PDPN: variants seen among roughly 807,000 people sequenced by gnomAD.
PDPN encodes podoplanin.
Under a neutral mutation model 23.2 loss-of-function variants are expected in PDPN, and 12 were observed. The observed-to-expected ratio is 0.52, with a 90% CI of 0.33 to 0.84. The LOEUF (loss-of-function observed/expected upper bound fraction) is 0.84. PDPN is among the 40% of genes least tolerant of loss of function. The pLI, the probability that PDPN is intolerant of heterozygous loss-of-function variation, is 0.02. For missense variants in PDPN, 199 were observed against 212.2 expected, an observed-to-expected ratio of 0.94 and a Z score of 0.39; for synonymous variants, 77 against 76.7, an observed-to-expected ratio of 1.00 and a Z score of -0.02.
At chr1:13,615,795 G>T in intron 5 of PDPN, 110 bp from the exon 6 acceptor site, 10 of 998,234 alleles carry the variant, frequency 1.0e-5, no homozygotes, top group Non-Finnish European at 1.6e-5. Context: ...ATCACCAGGT[G>T]TCAGAACTTG....
Position 13,607,035 on chromosome 1 carries a change from G to A in PDPN, c.68-138G>A, listed in dbSNP as rs1017915982. 42 of 841,712 alleles carry A rather than the reference G, an allele frequency of 5.0e-5. No homozygotes were observed. In the East Asian group the frequency reaches 6.3e-4, roughly 13 times the overall value. The allele number at this position is 841,712 out of a possible 1,614,324, so 52.1% of individuals were successfully genotyped here. Reference sequence around the variant, plus strand: ...GAATGGTTTGGTTTCTGGCACCACAGTAAGCCACAAAAAGGACCAAAAATA... The same window carrying A: ...GAATGGTTTGGTTTCTGGCACCACAATAAGCCACAAAAAGGACCAAAAATA... On this transcript the variant is annotated intron_variant, in intron 1 of 5. Coordinates refer to ENST00000621990, the MANE Select transcript of PDPN (RefSeq NM_006474.5).
intron 1 of PDPN, among the ~76,000 whole-genome samples, chr1:13,605,941 A>G (rs981078839): frequency 3.3e-5 from 5 of 151,914 alleles, no homozygotes; most frequent in Non-Finnish European, 7.4e-5. Flanking sequence ...TCTCATTGGC[A>G]TGACACATCA....
At chr1:13,611,081 A>C (rs1640922831) in intron 3 of PDPN, among the ~76,000 whole-genome samples, 2 of 151,906 alleles carry the variant, frequency 1.3e-5, no homozygotes, top group South Asian at 4.2e-4. Flanking sequence ...ATCAGCCGGG[A>C]GTGGTGGCGG....
At chr1:13,606,769 C>A (rs1021737977) in intron 1 of PDPN, among the ~76,000 whole-genome samples, 2 of 152,200 alleles carry the variant, frequency 1.3e-5, no homozygotes, top group African/African-American at 2.4e-5. Context: ...GTTTAGAAAT[C>A]TTTCCTGTTG....
chr1:13,603,592 T>C (rs977785811), intron 1 of PDPN, among the ~76,000 whole-genome samples: 5 of 138,658 alleles, frequency 3.6e-5, no homozygotes, highest in South Asian at 2.4e-4. Context: ...TCAGCCTAGC[T>C]TTTTTTTTTT....
At position 13,583,893 on chromosome 1, in the gene PDPN, G is replaced by C. The variant is rs757864690; in HGVS notation, c.-141G>C. On this transcript the variant is annotated 5_prime_UTR_variant, in exon 1 of 6. Coordinates refer to ENST00000621990, the MANE Select transcript of PDPN (RefSeq NM_006474.5). ...GGAAGCTCGGGCACCCTCCCTCTCCGGGGCTCCTGCTCCCACCCCTCCGGC... is the reference window on the plus strand; with the variant it reads ...GGAAGCTCGGGCACCCTCCCTCTCCCGGGCTCCTGCTCCCACCCCTCCGGC... 3 of 1,611,334 alleles carry C rather than the reference G, an allele frequency of 1.9e-6. No individual in the cohort carries two copies. Among genetic ancestry groups the C allele is most frequent in the East Asian group, 4.5e-5 (2 of 44,870 alleles).
chr1:13,613,585 GT>G, intron 3 of PDPN, 101 bp from the exon 4 acceptor site: 1 of 701,130 alleles, frequency 1.4e-6, no homozygotes, highest in Non-Finnish European at 2.6e-6. Context: ...CTTGGTTTAT[GT>G]TTTGCTGCTT....
At chr1:13,605,863 C>T (rs1277702893) in intron 1 of PDPN, among the ~76,000 whole-genome samples, 6 of 152,240 alleles carry the variant, frequency 3.9e-5, no homozygotes, top group African/African-American at 7.2e-5. Flanking sequence ...CCTTCTGATC[C>T]GCCCGCCTTG....
At chr1:13,589,402 A>C (rs1237799642) in intron 1 of PDPN, among the ~76,000 whole-genome samples, 3 of 152,180 alleles carry the variant, frequency 2.0e-5, no homozygotes, top group Non-Finnish European at 4.4e-5. Flanking sequence ...TCTCCCCATA[A>C]GATTAAATGT....
intron 1 of PDPN, among the ~76,000 whole-genome samples, chr1:13,595,584 C>T (rs1204379581): frequency 3.9e-5 from 6 of 152,334 alleles, no homozygotes; most frequent in South Asian, 2.1e-4. Context: ...ACTAGTGACA[C>T]GTGTCTGATC....
chr1:13,599,631 A>G (rs1462987110), intron 1 of PDPN, among the ~76,000 whole-genome samples: 1 of 151,684 alleles, frequency 6.6e-6, no homozygotes, highest in African/African-American at 2.4e-5. Flanking sequence ...TGATCCGTCT[A>G]CCTTGGCCTC....
At chr1:13,594,629 C>A (rs1019343987) in intron 1 of PDPN, among the ~76,000 whole-genome samples, 1 of 152,162 alleles carries the variant, frequency 6.6e-6, no homozygotes, top group African/African-American at 2.4e-5. Context: ...TTGACTTAAC[C>A]TCTTAGCCTC....
In PDPN at chr1:13,603,796, C is replaced by T. The variant is rs374108849; in HGVS notation, c.68-3377C>T. Among the ~76,000 whole-genome samples, 46 of 152,256 alleles carry T rather than the reference C, an allele frequency of 3.0e-4. No individual in the cohort carries two copies. In the East Asian group the frequency reaches 8.9e-3, roughly 29 times the overall value. ...TAGAGACGGGGTTTCACCATCTTGG[C>T]CAGGCTGGTCTTGAACTCCTGACCT... On this transcript the variant is annotated intron_variant, in intron 1 of 5. Transcript: ENST00000621990.
chr1:13,603,049 T>A (rs763734437), intron 1 of PDPN, among the ~76,000 whole-genome samples: 13 of 150,860 alleles, frequency 8.6e-5, no homozygotes, highest in Admixed American at 1.3e-4. Flanking sequence ...TAAAATGAGA[T>A]GTCATCTCTA....
At chr1:13,608,602 AC>A (rs1640853339) in intron 2 of PDPN, among the ~76,000 whole-genome samples, 1 of 152,066 alleles carries the variant, frequency 6.6e-6, no homozygotes, top group Non-Finnish European at 1.5e-5. Context: ...AAGTAATCTC[AC>A]CCCCACATCT....
chr1:13,604,599 C>T (rs1412242102), intron 1 of PDPN, among the ~76,000 whole-genome samples: 1 of 138,504 alleles, frequency 7.2e-6, no homozygotes, highest in Non-Finnish European at 1.6e-5. Flanking sequence ...TTTCATTGAG[C>T]ACTTGATTTT....
At chr1:13,604,757 A>C (rs116412788) in intron 1 of PDPN, among the ~76,000 whole-genome samples, 1 of 152,224 alleles carries the variant, frequency 6.6e-6, no homozygotes, top group Non-Finnish European at 1.5e-5. Context: ...GAAGCTTAGT[A>C]AGTTTTTTAA....
At position 13,616,866 on chromosome 1, in the gene PDPN, A is replaced by G. The variant is rs955148653; in HGVS notation, c.*955A>G. The stretch of plus-strand genomic sequence containing the variant: ...CAAGAGCCAGTTGTCCCCCATGCAG[A>G]AAGAAATCCTGTGTGAGCCTCTGGT... On this transcript the variant is annotated 3_prime_UTR_variant, in exon 6 of 6. Transcript: ENST00000621990. The G allele has an allele frequency of 6.6e-6, 1 of 152,260 alleles. No individual in the cohort carries two copies. The highest frequency in any genetic ancestry group is 1.5e-5 in the Non-Finnish European group (1 of 68,050). 9.4% of individuals were successfully genotyped at this position (152,260 alleles called of 1,614,324 possible).
At chr1:13,586,153 A>AGCTGCTGCTC (rs1462862724) in intron 1 of PDPN, among the ~76,000 whole-genome samples, 1 of 152,144 alleles carries the variant, frequency 6.6e-6, no homozygotes, top group African/African-American at 2.4e-5. Flanking sequence ...AGATTCTGCA[A>AGCTGCTGCTC]GCTGCTGCTC....
Sources: allele counts gnomAD v4.1 joint callset (sites outside exome capture counted in the v4.1 genomes callset), GRCh38; gene constraint gnomAD v4.1.1; transcripts MANE v1.5; gene names NCBI Gene and HGNC (gene_info 2026-07-23, HGNC 2026-07-21).